The following RASA1 variants were observed in gnomAD, a reference collection of about 807,000 sequenced individuals.
The protein encoded by RASA1 is ras GTPase-activating protein 1.
A neutral mutation model predicts 132.2 loss-of-function variants in RASA1; 25 were observed. The ratio of observed to expected loss-of-function variants is 0.19; its 90% confidence interval spans 0.14 to 0.26. RASA1 has a LOEUF of 0.26. Among genes scored for constraint, RASA1 ranks in the 10% least tolerant of loss-of-function variants. RASA1 has a pLI of 1.00. For synonymous variants in RASA1, 477 were observed against 449.9 expected (o/e 1.06, Z -0.76); for missense variants, 964 against 1,299.2 (o/e 0.74, Z 3.97).
At chr5:87,376,643 T>G in intron 16 of RASA1, 78 bp downstream of exon 16, 1 of 1,505,088 alleles carries the variant, frequency 6.6e-7, no homozygotes, top group Non-Finnish European at 9.2e-7. Context: ...TCCATTAAGG[T>G]AAACATAGTA....
chr5:87,325,791 C>T (rs1158280024), intron 1 of RASA1, among the ~76,000 whole-genome samples: 9 of 152,142 alleles, frequency 5.9e-5, no homozygotes, highest in Non-Finnish European at 1.2e-4. Context: ...TTGGGATTGT[C>T]AAGTTAGTTG....
chr5:87,305,227 C>A (rs1755554887), intron 1 of RASA1, among the ~76,000 whole-genome samples: 1 of 152,106 alleles, frequency 6.6e-6, no homozygotes, highest in Admixed American at 6.6e-5. Flanking sequence ...CTGGAGGCAT[C>A]ATGCTACCCA....
chr5:87,389,442 C>T lies in RASA1; in HGVS notation c.2975C>T (p.Ser992Phe), dbSNP rs1324971631. 2 of 1,614,140 alleles carry T rather than the reference C, an allele frequency of 1.2e-6. No individual in the cohort carries two copies. Among genetic ancestry groups the T allele is most frequent in the Non-Finnish European group, 1.7e-6 (2 of 1,179,976 alleles). Residue 992 changes from serine to phenylalanine, a missense_variant, in exon 24 of 25, where the codon TCC becomes TTC. Around this residue, in one of 6 missense-constraint regions of RASA1, gnomAD observed 107 missense variants for 163.8 expected, o/e 0.65. Coordinates refer to ENST00000274376, the MANE Select transcript of RASA1 (RefSeq NM_002890.3). ...DTTEHSRTDL[S>F]RDLAALHEIC... ...ACAGAGCATTCTAGAACGGACCTGT[C>T]CCGTGATTTAGCAGCATTGCATGAG...
chr5:87,383,227 T>C (rs1761848080), intron 20 of RASA1, among the ~76,000 whole-genome samples: 3 of 152,186 alleles, frequency 2.0e-5, no homozygotes, highest in Non-Finnish European at 4.4e-5. Context: ...ACAAAATCAA[T>C]GCAACCAACT....
intron 1 of RASA1, among the ~76,000 whole-genome samples, chr5:87,284,194 A>G (rs1580196772): frequency 2.0e-5 from 3 of 152,220 alleles, no homozygotes; most frequent in Admixed American, 2.0e-4. Flanking sequence ...TGCAGTTTCT[A>G]AGAACCTATC....
At chr5:87,316,169 A>G (rs562764015) in intron 1 of RASA1, among the ~76,000 whole-genome samples, 5 of 152,318 alleles carry the variant, frequency 3.3e-5, no homozygotes, top group Non-Finnish European at 5.9e-5. Flanking sequence ...AATTTAAAGC[A>G]AATATGACGA....
intron 1 of RASA1, among the ~76,000 whole-genome samples, chr5:87,286,104 C>A (rs1277690158): frequency 1.3e-5 from 2 of 151,860 alleles, no homozygotes. Flanking sequence ...CCGCTTCAAG[C>A]AATTCTCATG....
At chr5:87,288,237 C>G (rs948622815) in intron 1 of RASA1, among the ~76,000 whole-genome samples, 1 of 150,326 alleles carries the variant, frequency 6.7e-6, no homozygotes, top group Non-Finnish European at 1.5e-5. Context: ...TTTACTATTT[C>G]TTCTGTTGGG....
intron 1 of RASA1, among the ~76,000 whole-genome samples, chr5:87,322,869 C>T (rs1199355478): frequency 2.6e-5 from 4 of 152,130 alleles, no homozygotes; most frequent in Non-Finnish European, 2.9e-5. Flanking sequence ...AATTCCAGGT[C>T]TGGACACTAG....
At chr5:87,381,926 A>C (rs1450764729) in intron 20 of RASA1, among the ~76,000 whole-genome samples, 1 of 152,190 alleles carries the variant, frequency 6.6e-6, no homozygotes. Context: ...AAGATTCTTT[A>C]AATTTGGGAA....
Position 87,332,501 on chromosome 5 carries a change from A to C in RASA1, c.693-6A>C. 1 of 1,605,374 alleles carries C rather than the reference A, an allele frequency of 6.2e-7. No homozygotes were observed. The highest frequency in any genetic ancestry group is 1.1e-5 in the South Asian group (1 of 90,534). On this transcript the variant is annotated splice_polypyrimidine_tract_variant and splice_region_variant and intron_variant, in intron 2 of 24. Transcript: ENST00000274376. ...TTTTATACTGTATTTTTTCCTGTTCAAATAGGATTATTGCTATGTGTGGAG... is the reference window on the plus strand; with the variant it reads ...TTTTATACTGTATTTTTTCCTGTTCCAATAGGATTATTGCTATGTGTGGAG...
chr5:87,291,531 C>CTAAA (rs1015147690), intron 1 of RASA1, among the ~76,000 whole-genome samples: 2 of 152,030 alleles, frequency 1.3e-5, no homozygotes, highest in African/African-American at 2.4e-5. Flanking sequence ...ACCCTGTCTC[C>CTAAA]TAAATAAATA....
Position 87,341,295 on chromosome 5 carries a change from G to T in RASA1, c.1023G>T (p.Arg341=). The change falls in exon 6 of 25, where the codon CGG becomes CGT. Residue 341 remains arginine, a synonymous_variant. Transcript: ENST00000274376. ...TCTTAATGTCTTCCCTTTAGGGCCG[G>T]GAAGAAGATCCACATGAAGGAAAAA... ...IVEDLVEEVG[R]EEDPHEGKIW... is the part of the protein sequence containing the mutation. 3 of 1,348,630 alleles carry T rather than the reference G, an allele frequency of 2.2e-6. No homozygotes were observed. Among genetic ancestry groups the T allele is most frequent in the South Asian group, 2.2e-5 (1 of 46,376 alleles). 83.5% of individuals were successfully genotyped at this position (1,348,630 alleles called of 1,614,324 possible).
At chr5:87,284,294 T>C (rs535644875) in intron 1 of RASA1, among the ~76,000 whole-genome samples, 1 of 152,190 alleles carries the variant, frequency 6.6e-6, no homozygotes, top group Non-Finnish European at 1.5e-5. Flanking sequence ...AGGAATTCTT[T>C]CATACATTAT....
chr5:87,380,374 T>C, intron 19 of RASA1, 135 bp from the exon 20 acceptor site: 2 of 791,030 alleles, frequency 2.5e-6, no homozygotes, highest in Non-Finnish European at 4.4e-6. Context: ...TCATTACCTG[T>C]GGCAAAATAC....
intron 1 of RASA1, among the ~76,000 whole-genome samples, chr5:87,279,168 A>G (rs572697084): frequency 8.5e-5 from 13 of 152,180 alleles, no homozygotes; most frequent in Non-Finnish European, 1.5e-4. Context: ...ACCTGAGCCT[A>G]TGAGGTTGAG....
intron 1 of RASA1, among the ~76,000 whole-genome samples, chr5:87,319,413 G>A (rs574907817): frequency 1.1e-4 from 16 of 152,320 alleles, no homozygotes; most frequent in Admixed American, 9.8e-4. Flanking sequence ...GGACATCCAG[G>A]CATTTCCATA....
chr5:87,315,890 A>T (rs1021172016), intron 1 of RASA1, among the ~76,000 whole-genome samples: 5 of 152,172 alleles, frequency 3.3e-5, no homozygotes, highest in Non-Finnish European at 5.9e-5. Context: ...ATGGATATAT[A>T]GGCTGATTCT....
At chr5:87,299,580 A>G (rs1171776522) in intron 1 of RASA1, 1 of 152,140 alleles carries the variant, frequency 6.6e-6, no homozygotes, top group African/African-American at 2.4e-5. Context: ...TGATATGCAT[A>G]TATGTAGTGA....
Sources: allele counts gnomAD v4.1 joint callset (sites outside exome capture counted in the v4.1 genomes callset), GRCh38; gene constraint gnomAD v4.1.1; regional missense constraint gnomAD v4.1.1; transcripts MANE v1.5; gene names NCBI Gene and HGNC (gene_info 2026-07-23, HGNC 2026-07-21).